Variants in HDAC4 observed in about 807,000 individuals in gnomAD.
HDAC4 encodes histone deacetylase 4.
HDAC4 carries 16 observed loss-of-function variants against 135.1 expected under a neutral mutation model. The observed-to-expected ratio is 0.12, with a 90% CI of 0.08 to 0.18. HDAC4 has a LOEUF of 0.18. HDAC4 is among the 10% of genes least tolerant of loss of function. The pLI, the probability that HDAC4 is intolerant of heterozygous loss-of-function variation, is 1.00. For missense variants in HDAC4, 1,143 were observed against 1,511.8 expected, an observed-to-expected ratio of 0.76 and a Z score of 4.05; for synonymous variants, 685 against 653.4, an observed-to-expected ratio of 1.05 and a Z score of -0.74.
chr2:239,168,674 C>T (rs1405675512), intron 5 of HDAC4, among the ~76,000 whole-genome samples: 1 of 152,226 alleles, frequency 6.6e-6, no homozygotes, highest in Non-Finnish European at 1.5e-5. Flanking sequence ...CTCCAGCCTG[C>T]ACAGACAAGA....
intron 2 of HDAC4, among the ~76,000 whole-genome samples, chr2:239,256,690 G>A (rs374727201): frequency 1.1e-3 from 164 of 152,362 alleles, no homozygotes; most frequent in Non-Finnish European, 2.0e-3. Flanking sequence ...TTCAGCAGCA[G>A]AAGGGACTGG....
Position 239,262,721 on chromosome 2 carries a change from C to T in HDAC4, c.23-26057G>A, listed in dbSNP as rs765249834. 6.6e-6 allele frequency among the ~76,000 whole-genome samples: 1 copy of T among 152,180 alleles called. No homozygotes were observed. Among genetic ancestry groups the T allele is most frequent in the Non-Finnish European group, 1.5e-5 (1 of 68,032 alleles). ...CCAAGGGTGCACACGGCTGAAGGCG[C>T]AACGGGCACAGGGCATTCTGTGGGC... On this transcript the variant is annotated intron_variant, in intron 2 of 26. Transcript: ENST00000543185. The surrounding 1 kb of genome is among the most constrained non-coding windows in gnomAD (Gnocchi z 4.1).
chr2:239,054,866 C>T (rs952394229), intron 24 of HDAC4, 33 bp from the exon 25 acceptor site: 24 of 1,390,922 alleles, frequency 1.7e-5, no homozygotes, highest in Non-Finnish European at 2.5e-5. Context: ...ATAAAGACTG[C>T]CAATATAATC....
chr2:239,332,499 CA>C (rs1691653097), intron 2 of HDAC4, among the ~76,000 whole-genome samples: 1 of 150,808 alleles, frequency 6.6e-6, no homozygotes, highest in African/African-American at 2.4e-5. Context: ...TAACACAAGT[CA>C]AAAAAAGAAA....
At chr2:239,252,104 T>C (rs2048813934) in intron 2 of HDAC4, among the ~76,000 whole-genome samples, 1 of 152,194 alleles carries the variant, frequency 6.6e-6, no homozygotes, top group Non-Finnish European at 1.5e-5. Flanking sequence ...GGATGTGGAT[T>C]TCTGCCCCTT....
intron 2 of HDAC4, among the ~76,000 whole-genome samples, chr2:239,288,879 T>C (rs974234740): frequency 8.5e-5 from 13 of 152,326 alleles, no homozygotes; most frequent in African/African-American, 2.9e-4. Context: ...AATTCATCCA[T>C]AGAGTCAATG....
At position 239,337,297 on chromosome 2, in the gene HDAC4, G is replaced by A. The variant is rs141381798; in HGVS notation, c.22+15381C>T. Among the ~76,000 whole-genome samples, 918 of 152,232 alleles carry A rather than the reference G, an allele frequency of 6.0e-3. 6 individuals are homozygous for A. Among genetic ancestry groups the A allele is most frequent in the Non-Finnish European group, 7.7e-3 (524 of 68,024 alleles). ...AGCTGTACTCACCGGCGAAATAAAC[G>A]TTTTGGCTCCGGGAAGGCAGAAAAC... On this transcript the variant is annotated intron_variant, in intron 2 of 26. Coordinates refer to ENST00000543185, the MANE Select transcript of HDAC4 (RefSeq NM_001378414.1).
At chr2:239,298,662 A>G in intron 2 of HDAC4, 4 of 978,398 alleles carry the variant, frequency 4.1e-6, no homozygotes, top group Non-Finnish European at 4.9e-6. Flanking sequence ...GACTGTGGCT[A>G]AATCATTTAT....
intron 5 of HDAC4, among the ~76,000 whole-genome samples, chr2:239,176,163 C>T (rs2043748373): frequency 6.6e-6 from 1 of 152,056 alleles, no homozygotes. Flanking sequence ...GGAGTCCATG[C>T]CCCCACTCCC....
At chr2:239,082,705 A>C (rs2035461399) in intron 20 of HDAC4, among the ~76,000 whole-genome samples, 1 of 152,208 alleles carries the variant, frequency 6.6e-6, no homozygotes, top group African/African-American at 2.4e-5. Flanking sequence ...TCGGCAGGAG[A>C]CAAGTCCCAG....
In HDAC4 at chr2:239,068,039, G is replaced by C. The variant is rs2033749936; in HGVS notation, c.2869+450C>G. ...TCCTGACAGCATGGCCCCTAACGCT[G>C]ATCCTGAGAGGACACACACATCCTG... On this transcript the variant is annotated intron_variant, in intron 23 of 26. Coordinates refer to ENST00000543185, the MANE Select transcript of HDAC4 (RefSeq NM_001378414.1). This position sits in a 1 kb window ranked among gnomAD's most constrained non-coding sequence, Gnocchi z 4.4. Among the ~76,000 whole-genome samples, 2 of 152,232 alleles carry C rather than the reference G, an allele frequency of 1.3e-5. No homozygotes were observed. The highest frequency in any genetic ancestry group is 4.1e-4 in the South Asian group (2 of 4,836).
chr2:239,308,381 C>T lies in HDAC4; in HGVS notation c.22+44297G>A, dbSNP rs2052711836. ...AGGCTTTCCTAATAAGAATTCCACA[C>T]TTCCATGAGGCTGTAATCAACTTGG... On this transcript the variant is annotated intron_variant, in intron 2 of 26. Transcript: ENST00000543185. The surrounding 1 kb of genome is among the most constrained non-coding windows in gnomAD (Gnocchi z 4.2). Among the ~76,000 whole-genome samples, 1 of 152,198 alleles carries T rather than the reference C, an allele frequency of 6.6e-6. No homozygotes were observed. The highest frequency in any genetic ancestry group is 2.4e-5 in the African/African-American group (1 of 41,458).
intron 1 of HDAC4, among the ~76,000 whole-genome samples, chr2:239,355,194 C>G (rs1258931920): frequency 6.6e-6 from 1 of 152,124 alleles, no homozygotes; most frequent in Non-Finnish European, 1.5e-5. Flanking sequence ...AAATATAGGT[C>G]TTCTTTCTGC....
chr2:239,242,994 T>G, intron 2 of HDAC4, among the ~76,000 whole-genome samples: 1 of 152,030 alleles, frequency 6.6e-6, no homozygotes, highest in Middle Eastern at 3.4e-3. Context: ...AGGGGGTTTT[T>G]GGGAACAGGA....
chr2:239,282,590 T>A (rs1161050777), intron 2 of HDAC4, among the ~76,000 whole-genome samples: 3 of 140,308 alleles, frequency 2.1e-5, no homozygotes, highest in Non-Finnish European at 4.6e-5. Flanking sequence ...CTCTACAATG[T>A]ACACACCACT....
At position 239,349,161 on chromosome 2, in the gene HDAC4, G is replaced by GGTGAGCCAGGCAGGCAAGA; in HGVS notation, c.22+3498_22+3516dup. Among the ~76,000 whole-genome samples the GGTGAGCCAGGCAGGCAAGA allele has an allele frequency of 6.6e-6, 1 of 152,282 alleles. No homozygotes were observed. The highest frequency in any genetic ancestry group is 2.1e-4 in the South Asian group (1 of 4,830). ...CCCCCATGCCAGATGGGCAGGCAAG[G>GGTGAGCCAGGCAGGCAAGA]GTGAGCCAGGCAGGCAAGAGTGAGC... is the stretch of plus-strand genomic sequence containing the variant. On this transcript the variant is annotated intron_variant, in intron 2 of 26. Coordinates refer to ENST00000543185, the MANE Select transcript of HDAC4 (RefSeq NM_001378414.1). The surrounding 1 kb of genome is among the most constrained non-coding windows in gnomAD (Gnocchi z 5.7).
chr2:239,364,907 A>T (rs887058733), intron 1 of HDAC4, among the ~76,000 whole-genome samples: 1 of 152,254 alleles, frequency 6.6e-6, no homozygotes, highest in East Asian at 1.9e-4. Flanking sequence ...AACGGAAAAG[A>T]ATTCTTTCAG....
chr2:239,342,621 T>C (rs1048782649), intron 2 of HDAC4, among the ~76,000 whole-genome samples: 2 of 152,130 alleles, frequency 1.3e-5, no homozygotes, highest in African/African-American at 4.8e-5. Flanking sequence ...CAAGGTAATA[T>C]CCCAACAGCT....
At chr2:239,099,943 A>T (rs907613918) in intron 16 of HDAC4, among the ~76,000 whole-genome samples, 1 of 152,204 alleles carries the variant, frequency 6.6e-6, no homozygotes, top group Admixed American at 6.5e-5. Flanking sequence ...TGGCCCTTGC[A>T]TGCCTGGAAT....
Sources: gnomAD v4.1 joint callset for allele counts (sites outside exome capture counted in the v4.1 genomes callset) on GRCh38, gnomAD v4.1.1 for gene constraint, Gnocchi (gnomAD v3.1) non-coding constraint, MANE v1.5 for transcripts, NCBI Gene and HGNC (gene_info 2026-07-23, HGNC 2026-07-21) for gene names.